Variants in GPC6 observed in about 807,000 individuals in gnomAD.
GPC6 encodes glypican-6.
In GPC6, 14 loss-of-function variants were observed where a neutral mutation model predicts 55.2. The ratio of observed to expected loss-of-function variants is 0.25; its 90% confidence interval spans 0.17 to 0.40. The LOEUF (loss-of-function observed/expected upper bound fraction) is 0.40, where lower values mean the gene tolerates loss of function less well. GPC6 is among the 10% of genes least tolerant of loss of function. The probability of loss-of-function intolerance (pLI) is 1.00; values close to 1 mark genes in which losing one functional copy is unlikely to be tolerated. For synonymous variants in GPC6, 278 were observed against 259.6 expected (o/e 1.07, Z -0.68); for missense variants, 641 against 708.5 (o/e 0.90, Z 1.08).
rs1164392858 is a variant in GPC6 at position 94,382,394 on chromosome 13, T to C, written c.1153-20T>C. The C allele has an allele frequency of 1.2e-6, 2 of 1,613,956 alleles. No individual in the cohort carries two copies. The highest frequency in any genetic ancestry group is 2.2e-5 in the East Asian group (1 of 44,884). ...AGCCTGAGCAGAATACTCACTTGCT[T>C]TCCTTGGTTTCTTGATCAGGTCACA... On this transcript the variant is annotated intron_variant, in intron 6 of 8. Transcript: ENST00000377047.
intron 4 of GPC6, among the ~76,000 whole-genome samples, chr13:94,252,724 A>G (rs1244084297): frequency 6.6e-6 from 1 of 152,126 alleles, no homozygotes; most frequent in African/African-American, 2.4e-5. Context: ...TTAAAAATGC[A>G]GACTTTCTTT....
At chr13:94,208,765 A>C (rs1286055421) in intron 4 of GPC6, among the ~76,000 whole-genome samples, 1 of 149,660 alleles carries the variant, frequency 6.7e-6, no homozygotes, top group Non-Finnish European at 1.5e-5. Context: ...AAAAAAAAAA[A>C]AAAAAAAAAA....
intron 4 of GPC6, among the ~76,000 whole-genome samples, chr13:94,048,290 A>G (rs1883802883): frequency 6.6e-6 from 1 of 152,074 alleles, no homozygotes; most frequent in Non-Finnish European, 1.5e-5. Flanking sequence ...CCGTCTTGGG[A>G]ACAGCCATAA....
Position 94,286,909 on chromosome 13 carries a change from ATCCCATCTGACT to A in GPC6, c.1008+434_1008+445del, listed in dbSNP as rs141927679. Among the ~76,000 whole-genome samples the A allele has an allele frequency of 4.0e-3, 611 of 152,346 alleles. 1 individual carries two copies. Among genetic ancestry groups the A allele is most frequent in the Admixed American group, 8.2e-3 (125 of 15,306 alleles). Reference sequence around the variant, plus strand: ...TATTTTCCATTGTAAATAATTAAACATCCCATCTGACTTCCTTTTAAGACTATGGTGTAACTT... The same window carrying A: ...TATTTTCCATTGTAAATAATTAAACATCCTTTTAAGACTATGGTGTAACTT... On this transcript the variant is annotated intron_variant, in intron 5 of 8. Transcript: ENST00000377047.
At chr13:94,004,421 C>T (rs1881930580) in intron 3 of GPC6, among the ~76,000 whole-genome samples, 1 of 152,050 alleles carries the variant, frequency 6.6e-6, no homozygotes, top group Non-Finnish European at 1.5e-5. Flanking sequence ...TGCAACCCCT[C>T]CATCCCAGTT....
chr13:93,239,408 A>G (rs1221713964), intron 1 of GPC6, among the ~76,000 whole-genome samples: 2 of 151,690 alleles, frequency 1.3e-5, no homozygotes, highest in East Asian at 3.9e-4. Context: ...AAATGGAGAC[A>G]TTACAACTGA....
rs541537132 is a variant in GPC6, at chr13:93,247,453, C to T, written c.160+19837C>T. Among the ~76,000 whole-genome samples, 4 of 152,262 alleles carry T rather than the reference C, an allele frequency of 2.6e-5. No homozygotes were observed. In the South Asian group the frequency reaches 8.3e-4, roughly 32 times the overall value. ...CCTTGAACTTGAGAATCTTAGTTTA[C>T]TGTTACTTTTACATTATCAAGTGCT... On this transcript the variant is annotated intron_variant, in intron 1 of 8. Transcript: ENST00000377047.
chr13:93,382,567 A>G (rs1875225134), intron 1 of GPC6, among the ~76,000 whole-genome samples: 1 of 152,180 alleles, frequency 6.6e-6, no homozygotes, highest in South Asian at 2.1e-4. Flanking sequence ...AATTTCTGCA[A>G]TAGTGCTAAG....
intron 3 of GPC6, among the ~76,000 whole-genome samples, chr13:93,865,290 C>G (rs903670606): frequency 2.6e-5 from 4 of 151,594 alleles, no homozygotes; most frequent in Admixed American, 1.3e-4. Context: ...AAATAAAAAG[C>G]AAGTTTTCTA....
At chr13:94,092,220 C>T (rs1885512550) in intron 4 of GPC6, among the ~76,000 whole-genome samples, 1 of 151,846 alleles carries the variant, frequency 6.6e-6, no homozygotes, top group African/African-American at 2.4e-5. Context: ...TCACTGTGCT[C>T]TATATTGTAG....
chr13:93,635,196 C>T (rs1183860353), intron 2 of GPC6, among the ~76,000 whole-genome samples: 1 of 151,342 alleles, frequency 6.6e-6, no homozygotes, highest in Non-Finnish European at 1.5e-5. Context: ...AACTTTCATA[C>T]AAAACTGGAA....
At chr13:93,908,932 A>G (rs1025069784) in intron 3 of GPC6, among the ~76,000 whole-genome samples, 1 of 152,146 alleles carries the variant, frequency 6.6e-6, no homozygotes, top group Non-Finnish European at 1.5e-5. Context: ...TCTGCTGTGT[A>G]AGATAGATTA....
At chr13:93,486,856 A>G (rs1879731168) in intron 1 of GPC6, among the ~76,000 whole-genome samples, 2 of 152,010 alleles carry the variant, frequency 1.3e-5, no homozygotes, top group Admixed American at 6.6e-5. Context: ...GAGGCAGGAG[A>G]ATAGCTTGAA....
intron 1 of GPC6, among the ~76,000 whole-genome samples, chr13:93,263,027 G>A (rs1028125340): frequency 2.0e-5 from 3 of 152,156 alleles, no homozygotes; most frequent in African/African-American, 7.2e-5. Context: ...TGCAATATTC[G>A]TGAAAATTCC....
chr13:93,619,147 C>T (rs1566452707), intron 2 of GPC6, among the ~76,000 whole-genome samples: 1 of 152,136 alleles, frequency 6.6e-6, no homozygotes, highest in African/African-American at 2.4e-5. Context: ...TATATCTGCA[C>T]ATCCTTTTTG....
chr13:93,639,409 A>G (rs1276145463), intron 2 of GPC6, among the ~76,000 whole-genome samples: 1 of 152,158 alleles, frequency 6.6e-6, no homozygotes, highest in Non-Finnish European at 1.5e-5. Flanking sequence ...GGGCTGTTGG[A>G]TAAATGAAGT....
intron 4 of GPC6, among the ~76,000 whole-genome samples, chr13:94,056,747 A>G (rs1192190276): frequency 6.6e-6 from 1 of 152,352 alleles, no homozygotes; most frequent in Non-Finnish European, 1.5e-5. Context: ...CATTAGTCCA[A>G]CGATAATTTC....
At chr13:94,026,837 A>G (rs762343578) in intron 3 of GPC6, among the ~76,000 whole-genome samples, 17 of 152,140 alleles carry the variant, frequency 1.1e-4, no homozygotes, top group Admixed American at 9.2e-4. Flanking sequence ...AAGCCCCCCT[A>G]TAAAACCATC....
chr13:93,425,136 A>G (rs1252504318), intron 1 of GPC6, among the ~76,000 whole-genome samples: 1 of 152,214 alleles, frequency 6.6e-6, no homozygotes, highest in Admixed American at 6.5e-5. Flanking sequence ...ATATTTTAAA[A>G]TGAAAATTAA....
Sources: gnomAD v4.1 joint callset for allele counts (sites outside exome capture counted in the v4.1 genomes callset) on GRCh38, gnomAD v4.1.1 for gene constraint, MANE v1.5 for transcripts, NCBI Gene and HGNC (gene_info 2026-07-23, HGNC 2026-07-21) for gene names.